Variants in SDCCAG8 observed in about 807,000 individuals in gnomAD.
SDCCAG8 encodes the protein serologically defined colon cancer antigen 8.
Under a neutral mutation model 101.8 loss-of-function variants are expected in SDCCAG8, and 74 were observed. The observed-to-expected ratio is 0.73, with a 90% confidence interval of 0.60 to 0.88. SDCCAG8 has a LOEUF of 0.88. Among genes scored for constraint, SDCCAG8 ranks in the 40% least tolerant of loss-of-function variants. The probability of loss-of-function intolerance (pLI) is 0.00; values close to 1 mark genes in which losing one functional copy is unlikely to be tolerated. For synonymous variants in SDCCAG8, 281 were observed against 292.9 expected (o/e 0.96, Z 0.41); for missense variants, 787 against 822.6 (o/e 0.96, Z 0.53).
At chr1:243,332,174 G>A (rs916991389) in intron 10 of SDCCAG8, among the ~76,000 whole-genome samples, 3 of 152,186 alleles carry the variant, frequency 2.0e-5, no homozygotes, top group Non-Finnish European at 1.5e-5. Context: ...CTGATGGGTG[G>A]AGCATAGAGA....
At chr1:243,339,903 G>T (rs1468187621) in intron 10 of SDCCAG8, among the ~76,000 whole-genome samples, 2 of 152,142 alleles carry the variant, frequency 1.3e-5, no homozygotes. Context: ...AAAATTGATA[G>T]GTATTCCTAT....
intron 16 of SDCCAG8, among the ~76,000 whole-genome samples, chr1:243,467,585 A>C (rs1196475376): frequency 6.6e-6 from 1 of 152,234 alleles, no homozygotes; most frequent in Non-Finnish European, 1.5e-5. Context: ...TCATATCAGC[A>C]TCTGATCAGG....
chr1:243,405,925 A>C (rs1347355406), intron 13 of SDCCAG8, among the ~76,000 whole-genome samples: 2 of 148,532 alleles, frequency 1.3e-5, no homozygotes, highest in African/African-American at 5.3e-5. Context: ...AAACATTTTA[A>C]TAATAGAATA....
intron 17 of SDCCAG8, among the ~76,000 whole-genome samples, chr1:243,498,039 T>C (rs1430328779): frequency 6.7e-6 from 1 of 150,122 alleles, no homozygotes; most frequent in African/African-American, 2.5e-5. Context: ...TATTCAGTCA[T>C]CCTAGCATTT....
intron 16 of SDCCAG8, among the ~76,000 whole-genome samples, chr1:243,476,642 C>A (rs1015352484): frequency 6.6e-6 from 1 of 152,190 alleles, no homozygotes; most frequent in South Asian, 2.1e-4. Context: ...GACCTCCATG[C>A]GTCTGATAGT....
At chr1:243,469,997 CA>C (rs59173777) in intron 16 of SDCCAG8, among the ~76,000 whole-genome samples, 190 of 141,470 alleles carry the variant, frequency 1.3e-3, no homozygotes, top group South Asian at 5.4e-3. Context: ...TCTTTGTTAC[CA>C]AAAAAAAAAA....
intron 1 of SDCCAG8, among the ~76,000 whole-genome samples, chr1:243,264,457 A>G (rs570059975): frequency 2.6e-5 from 4 of 152,254 alleles, no homozygotes; most frequent in African/African-American, 9.6e-5. Flanking sequence ...TCTACCAAAA[A>G]TACAAAATTA....
At chr1:243,378,144 C>T (rs2077709804) in intron 12 of SDCCAG8, among the ~76,000 whole-genome samples, 1 of 151,584 alleles carries the variant, frequency 6.6e-6, no homozygotes, top group Admixed American at 6.6e-5. Context: ...TCAGAAATCT[C>T]ATACACTCTC....
intron 16 of SDCCAG8, among the ~76,000 whole-genome samples, chr1:243,485,658 C>G (rs1349393476): frequency 6.6e-6 from 1 of 152,152 alleles, no homozygotes; most frequent in East Asian, 1.9e-4. Flanking sequence ...GTAATCCCAG[C>G]ACTTTGGGAG....
chr1:243,460,939 T>C (rs1658968524), intron 16 of SDCCAG8, among the ~76,000 whole-genome samples: 2 of 152,344 alleles, frequency 1.3e-5, no homozygotes, highest in Middle Eastern at 3.4e-3. Flanking sequence ...TTAATTATTA[T>C]ACCTATTTAA....
At chr1:243,328,093 A>T (rs1049898668) in intron 9 of SDCCAG8, among the ~76,000 whole-genome samples, 1 of 151,902 alleles carries the variant, frequency 6.6e-6, no homozygotes, top group Non-Finnish European at 1.5e-5. Context: ...TAGTAGAGAC[A>T]GAGTTTCACC....
chr1:243,297,154 G>A (rs2071012726), intron 6 of SDCCAG8, among the ~76,000 whole-genome samples: 1 of 152,190 alleles, frequency 6.6e-6, no homozygotes, highest in South Asian at 2.1e-4. Flanking sequence ...ACACTTTTGA[G>A]TTCTGTTTTT....
chr1:243,391,409 A>G (rs887114958), intron 13 of SDCCAG8, among the ~76,000 whole-genome samples: 2 of 152,200 alleles, frequency 1.3e-5, no homozygotes, highest in African/African-American at 4.8e-5. Flanking sequence ...GGATGCAGTC[A>G]GTCTCGGGAG....
chr1:243,385,935 C>T (rs1376880497), intron 13 of SDCCAG8, among the ~76,000 whole-genome samples: 1 of 152,222 alleles, frequency 6.6e-6, no homozygotes, highest in African/African-American at 2.4e-5. Flanking sequence ...CACCATTGTA[C>T]TCCAGACTGG....
At chr1:243,419,653 G>C (rs1357899757) in intron 15 of SDCCAG8, among the ~76,000 whole-genome samples, 1 of 152,176 alleles carries the variant, frequency 6.6e-6, no homozygotes, top group Non-Finnish European at 1.5e-5. Context: ...TTAAATAACT[G>C]GTGAGTGGGA....
At chr1:243,447,525 C>T (rs1295334937) in intron 16 of SDCCAG8, among the ~76,000 whole-genome samples, 1 of 152,076 alleles carries the variant, frequency 6.6e-6, no homozygotes, top group Non-Finnish European at 1.5e-5. Flanking sequence ...CGCACACACA[C>T]ACTATCTTAC....
Position 243,274,672 on chromosome 1 carries a change from A to G in SDCCAG8, c.420+16A>G, listed in dbSNP as rs1265030211. ...GTTCTGCAAGGTAAGTTTCTCATTA[A>G]GAATTTAAAACTAAATAAATGAAAG... On this transcript the variant is annotated intron_variant, in intron 4 of 17. Coordinates refer to ENST00000366541, the MANE Select transcript of SDCCAG8 (RefSeq NM_006642.5). 2 of 1,416,922 alleles carry G rather than the reference A, an allele frequency of 1.4e-6. No individual in the cohort carries two copies. The highest frequency in any genetic ancestry group is 2.0e-6 in the Non-Finnish European group (2 of 1,002,486). 87.8% of individuals were successfully genotyped at this position (1,416,922 alleles called of 1,614,324 possible).
At chr1:243,389,102 T>C (rs2078524332) in intron 13 of SDCCAG8, among the ~76,000 whole-genome samples, 1 of 151,828 alleles carries the variant, frequency 6.6e-6, no homozygotes, top group African/African-American at 2.4e-5. Flanking sequence ...TGAGCTTTGA[T>C]TGCCATCGCA....
chr1:243,468,496 G>A (rs1157348316), intron 16 of SDCCAG8, among the ~76,000 whole-genome samples: 1 of 152,194 alleles, frequency 6.6e-6, no homozygotes, highest in African/African-American at 2.4e-5. Flanking sequence ...GGGATTACAG[G>A]CATGAGCCAC....
Sources: gnomAD v4.1 joint callset for allele counts (sites outside exome capture counted in the v4.1 genomes callset) on GRCh38, gnomAD v4.1.1 for gene constraint, MANE v1.5 for transcripts, NCBI Gene and HGNC (gene_info 2026-07-23, HGNC 2026-07-21) for gene names.